Variants in TNFRSF11A observed in about 807,000 individuals in gnomAD.
TNFRSF11A encodes TNF receptor superfamily member 11a, also known as tumor necrosis factor receptor superfamily member 11A.
A neutral mutation model predicts 55.7 loss-of-function variants in TNFRSF11A; 32 were observed. The ratio of observed to expected loss-of-function variants is 0.57; its 90% CI spans 0.43 to 0.77. The LOEUF (loss-of-function observed/expected upper bound fraction) is 0.77, where lower values mean the gene tolerates loss of function less well. TNFRSF11A is among the 30% of genes least tolerant of loss of function. The pLI is 0.00. For synonymous variants in TNFRSF11A, 311 were observed against 331.0 expected, an observed-to-expected ratio of 0.94 and a Z score of 0.65; for missense variants, 753 against 809.8, an observed-to-expected ratio of 0.93 and a Z score of 0.85.
At chr18:62,362,101 C>G (rs140539171) in intron 7 of TNFRSF11A, among the ~76,000 whole-genome samples, 1 of 152,256 alleles carries the variant, frequency 6.6e-6, no homozygotes, top group African/African-American at 2.4e-5. Flanking sequence ...TGCATTTATC[C>G]TAGAATACAT....
chr18:62,365,637 G>A (rs75925116), intron 7 of TNFRSF11A, among the ~76,000 whole-genome samples: 1 of 152,140 alleles, frequency 6.6e-6, no homozygotes, highest in Non-Finnish European at 1.5e-5. Context: ...AAGAAAACTT[G>A]TTAAGAGAAT....
In TNFRSF11A at chr18:62,386,031, G is replaced by A. The variant is rs1260161171; in HGVS notation, c.*997G>A. Reference sequence around the variant, plus strand: ...TCCTGAATCTTTTTAAGTTTGTGTCGTTCCTTAAGCAGAACTAAGCTCAGT... The same window carrying A: ...TCCTGAATCTTTTTAAGTTTGTGTCATTCCTTAAGCAGAACTAAGCTCAGT... On this transcript the variant is annotated 3_prime_UTR_variant, in exon 10 of 10. Transcript: ENST00000586569. 6.6e-6 allele frequency: 1 copy of A among 152,158 alleles called. No individual in the cohort carries two copies. Among genetic ancestry groups the A allele is most frequent in the African/African-American group, 2.4e-5 (1 of 41,448 alleles). 9.4% of individuals were successfully genotyped at this position (152,158 alleles called of 1,614,324 possible).
chr18:62,334,775 G>A (rs980787386), intron 1 of TNFRSF11A, among the ~76,000 whole-genome samples: 1 of 152,060 alleles, frequency 6.6e-6, no homozygotes, highest in Non-Finnish European at 1.5e-5. Flanking sequence ...TAAGAAAGAG[G>A]GTCAGAACAC....
intron 2 of TNFRSF11A, 49 bp from the exon 3 acceptor site, chr18:62,349,763 T>G (rs1203409280): frequency 1.2e-6 from 2 of 1,610,056 alleles, no homozygotes; most frequent in Admixed American, 1.7e-5. Context: ...GTGTTGCTGT[T>G]TTTGTTTGGT....
intron 3 of TNFRSF11A, among the ~76,000 whole-genome samples, chr18:62,350,294 A>T (rs148078366): frequency 2.6e-4 from 39 of 151,960 alleles, no homozygotes; most frequent in East Asian, 7.7e-4. Flanking sequence ...TTATTTATTT[A>T]TTTTTTTAAT....
chr18:62,353,497 C>T (rs933385869), intron 3 of TNFRSF11A, among the ~76,000 whole-genome samples: 1 of 152,172 alleles, frequency 6.6e-6, no homozygotes, highest in African/African-American at 2.4e-5. Flanking sequence ...CATCGATTAC[C>T]CAACCTCAGC....
At chr18:62,380,901 C>T (rs1312097223) in intron 9 of TNFRSF11A, among the ~76,000 whole-genome samples, 1 of 151,534 alleles carries the variant, frequency 6.6e-6, no homozygotes, top group Non-Finnish European at 1.5e-5. Context: ...TCTCTGGGCT[C>T]AGGTGATCCT....
intron 5 of TNFRSF11A, 63 bp downstream of exon 5, chr18:62,358,404 C>T: frequency 6.8e-7 from 1 of 1,477,684 alleles, no homozygotes; most frequent in South Asian, 1.1e-5. Flanking sequence ...CCTCCACTGT[C>T]TCGTCTGGGT....
At chr18:62,341,535 G>A (rs185666088) in intron 1 of TNFRSF11A, among the ~76,000 whole-genome samples, 1 of 152,286 alleles carries the variant, frequency 6.6e-6, no homozygotes, top group East Asian at 1.9e-4. Context: ...ATGACTGGAT[G>A]GAAGTTACAT....
chr18:62,344,183 A>G (rs2046351072), intron 1 of TNFRSF11A, among the ~76,000 whole-genome samples: 1 of 152,206 alleles, frequency 6.6e-6, no homozygotes, highest in Non-Finnish European at 1.5e-5. Flanking sequence ...AGAGACTGGG[A>G]CAGAGTTTCC....
rs373535227 is a variant in TNFRSF11A at position 62,348,186 on chromosome 18, C to T, written c.94C>T (p.Pro32Ser). The T allele has an allele frequency of 9.3e-6, 15 of 1,613,914 alleles. No individual in the cohort carries two copies. The highest frequency in any genetic ancestry group is 5.0e-5 in the Admixed American group (3 of 60,000). Residue 32 changes from proline to serine, a missense_variant, in exon 2 of 10, where the codon CCT (proline) becomes TCT (serine). Transcript: ENST00000586569. ...TTTTCAGGTGGCTTTGCAGATCGCT[C>T]CTCCATGTACCAGTGAGAAGCATTA... ...ARLQVALQIA[P>S]PCTSEKHYEH...
rs200570231 is a variant in TNFRSF11A, at chr18:62,366,708, C to G, written c.731C>G (p.Ala244Gly). Reference sequence around the variant, plus strand: ...CTTATCCTTGCTTTGTGTTTTCTAGCTAATTTGTGGCACTGGATCAATGAG... The same window carrying G: ...CTTATCCTTGCTTTGTGTTTTCTAGGTAATTTGTGGCACTGGATCAATGAG... The part of the protein sequence containing the change: ...CYRKKGKALT[A>G]NLWHWINEAC... Residue 244 changes from alanine (A) to glycine (G), a missense_variant and splice_region_variant, in exon 8 of 10, where the codon GCT becomes GGT. Physicochemically the swap from Ala to Gly is moderately conservative, Grantham distance 60. Around this residue, in one of 3 missense-constraint regions of TNFRSF11A, gnomAD observed 567 missense variants for 596.7 expected, o/e 0.95. Transcript: ENST00000586569. The G allele has an allele frequency of 6.2e-7, 1 of 1,614,124 alleles. No individual in the cohort carries two copies. Among genetic ancestry groups the G allele is most frequent in the Non-Finnish European group, 8.5e-7 (1 of 1,180,014 alleles).
In TNFRSF11A at chr18:62,338,926, G is replaced by A. The variant is rs149715183; in HGVS notation, c.76-9242G>A. 1.5e-4 allele frequency among the ~76,000 whole-genome samples: 23 copies of A among 152,142 alleles called. No homozygotes were observed. In the East Asian group the frequency reaches 3.7e-3, roughly 24 times the overall value. Reference sequence around the variant, plus strand: ...TGGCAGTGGGAGACAGCCCTTTCTCGCCTCCCGAAATGAGCTGCATTCCTG... The same window carrying A: ...TGGCAGTGGGAGACAGCCCTTTCTCACCTCCCGAAATGAGCTGCATTCCTG... On this transcript the variant is annotated intron_variant, in intron 1 of 9. Transcript: ENST00000586569.
rs1419356897 is a variant in TNFRSF11A, at chr18:62,391,219, C to G, written c.*6185C>G. On this transcript the variant is annotated 3_prime_UTR_variant, in exon 10 of 10. Coordinates refer to ENST00000586569, the MANE Select transcript of TNFRSF11A (RefSeq NM_003839.4). ...AGTAGTAGTCCATTGTATGGATGTA[C>G]TGCGGTTTATTCACCAACATATGGG... The G allele has an allele frequency of 6.6e-6, 1 of 152,198 alleles. No homozygotes were observed. Among genetic ancestry groups the G allele is most frequent in the Non-Finnish European group, 1.5e-5 (1 of 68,064 alleles). 9.4% of individuals were successfully genotyped at this position (152,198 alleles called of 1,614,324 possible).
At chr18:62,351,307 C>A (rs1407322121) in intron 3 of TNFRSF11A, among the ~76,000 whole-genome samples, 3 of 152,136 alleles carry the variant, frequency 2.0e-5, no homozygotes, top group Admixed American at 2.0e-4. Flanking sequence ...CCGGCCTGAC[C>A]CCTTCTTATA....
Position 62,354,431 on chromosome 18 carries a change from C to A in TNFRSF11A, c.324C>A (p.Thr108=), listed in dbSNP as rs759879855. The A allele has an allele frequency of 1.1e-5, 18 of 1,596,468 alleles. No individual in the cohort carries two copies. The Admixed American group carries it at 1.8e-4, about 16-fold the overall frequency. ...LVAVVAGNST[T]PRRCACTAGY... ...CCGTGGTCGCCGGCAACAGCACGAC[C>A]CCCCGGCGCTGCGCGTGCACGGCTG... The change falls in exon 4 of 10, where the codon ACC becomes ACA. Residue 108 remains threonine, a synonymous_variant. Transcript: ENST00000586569.
chr18:62,335,920 A>C (rs1342543550), intron 1 of TNFRSF11A, among the ~76,000 whole-genome samples: 1 of 152,256 alleles, frequency 6.6e-6, no homozygotes, highest in Non-Finnish European at 1.5e-5. Context: ...GCACTGTTCC[A>C]GTCTCCTTAT....
intron 3 of TNFRSF11A, 64 bp from the exon 4 acceptor site, chr18:62,354,327 G>A (rs1909071195): frequency 6.7e-7 from 1 of 1,490,714 alleles, no homozygotes; most frequent in Admixed American, 2.1e-5. Flanking sequence ...TAGCGCAGTC[G>A]TGGGCGGTGT....
chr18:62,386,604 A>G lies in TNFRSF11A; in HGVS notation c.*1570A>G, dbSNP rs1911753935. 1 of 152,200 alleles carries G rather than the reference A, an allele frequency of 6.6e-6. No individual in the cohort carries two copies. Among genetic ancestry groups the G allele is most frequent in the Non-Finnish European group, 1.5e-5 (1 of 68,028 alleles). The allele number at this position is 152,200 out of a possible 1,614,324, so 9.4% of individuals were successfully genotyped here. A position where few individuals can be genotyped will look rare whatever the true frequency, so the allele number is the denominator to read the frequency against. ...AAAATACACAAGCAAGTTAAAATTA[A>G]TTTTGCACATCTGGGAGGTTATAAA... is the stretch of plus-strand genomic sequence containing the variant. On this transcript the variant is annotated 3_prime_UTR_variant, in exon 10 of 10. Transcript: ENST00000586569.
Sources: gnomAD v4.1 joint callset for allele counts (sites outside exome capture counted in the v4.1 genomes callset) on GRCh38, gnomAD v4.1.1 for gene constraint, gnomAD v4.1.1 regional missense constraint, MANE v1.5 for transcripts, NCBI Gene and HGNC (gene_info 2026-07-23, HGNC 2026-07-21) for gene names.